The following ATRNL1 variants were observed in gnomAD, a reference collection of about 807,000 sequenced individuals.
ATRNL1 encodes the protein attractin-like protein 1.
In ATRNL1, 95 loss-of-function variants were observed where a neutral mutation model predicts 182.7. That is an observed-to-expected ratio of 0.52 (90% CI 0.44 to 0.62). ATRNL1 has a LOEUF of 0.62. Among genes scored for constraint, ATRNL1 ranks in the 20% least tolerant of loss-of-function variants. ATRNL1 has a pLI of 0.00. For synonymous variants in ATRNL1, 576 were observed against 568.3 expected (o/e 1.01, Z -0.19); for missense variants, 1,471 against 1,679.5 (o/e 0.88, Z 2.17).
intron 10 of ATRNL1, among the ~76,000 whole-genome samples, chr10:115,254,414 G>T (rs1478359179): frequency 2.0e-5 from 3 of 152,046 alleles, no homozygotes; most frequent in African/African-American, 4.8e-5. Context: ...TCATGTGTCT[G>T]TTGGCTGCAT....
chr10:115,495,224 A>G (rs1849485940), intron 24 of ATRNL1, among the ~76,000 whole-genome samples: 1 of 151,816 alleles, frequency 6.6e-6, no homozygotes, highest in Non-Finnish European at 1.5e-5. Context: ...TTTTTTCTTT[A>G]GTAGTATAGC....
At chr10:115,435,410 C>T (rs1298464368) in intron 21 of ATRNL1, among the ~76,000 whole-genome samples, 1 of 152,094 alleles carries the variant, frequency 6.6e-6, no homozygotes, top group Non-Finnish European at 1.5e-5. Context: ...GGCCTTCTGC[C>T]ATGGGATGAC....
chr10:115,094,034 G>A lies in ATRNL1; in HGVS notation c.284G>A (p.Gly95Asp). The A allele has an allele frequency of 1.3e-6, 2 of 1,525,678 alleles. No homozygotes were observed. The highest frequency in any genetic ancestry group is 1.8e-6 in the Non-Finnish European group (2 of 1,134,604). 94.5% of individuals were successfully genotyped at this position (1,525,678 alleles called of 1,614,324 possible). The change falls in exon 1 of 29, where the codon GGC becomes GAC. Residue 95 changes from glycine to aspartate, a missense_variant. This residue lies in a region of ATRNL1 where 1,031 missense variants were observed against 1,156.0 expected (regional missense o/e 0.89). Transcript: ENST00000355044. ...GGGGACCAGTGCCAGCACTGCCAGG[G>A]CAGGTTCAAGTAAGTGCCTTCGCCG... is the stretch of plus-strand genomic sequence containing the variant. ...WVGDQCQHCQ[G>D]RFKLTEPSGY... is the part of the protein sequence containing the mutation.
chr10:115,235,803 G>A (rs937599884), intron 9 of ATRNL1, among the ~76,000 whole-genome samples: 1 of 151,866 alleles, frequency 6.6e-6, no homozygotes, highest in African/African-American at 2.4e-5. Flanking sequence ...TGCCTTATTG[G>A]GAGATACTTT....
At position 115,170,060 on chromosome 10, in the gene ATRNL1, A is replaced by G. The variant is rs1050351703; in HGVS notation, c.1093-977A>G. ...TTTAAAAAAATTTTTAGGACTTTCT[A>G]TATACCAGATTGCATCATCTGCAAA... On this transcript the variant is annotated intron_variant, in intron 7 of 28. Coordinates refer to ENST00000355044, the MANE Select transcript of ATRNL1 (RefSeq NM_207303.4). Among the ~76,000 whole-genome samples, 6 of 152,274 alleles carry G rather than the reference A, an allele frequency of 3.9e-5. No individual in the cohort carries two copies. In the South Asian group the frequency reaches 6.2e-4, roughly 16 times the overall value.
At chr10:115,271,819 CAG>C (rs112338125) in intron 13 of ATRNL1, among the ~76,000 whole-genome samples, 21 of 152,194 alleles carry the variant, frequency 1.4e-4, no homozygotes, top group African/African-American at 4.8e-4. Context: ...ATCTTAATCA[CAG>C]GGTAATATAA....
intron 26 of ATRNL1, among the ~76,000 whole-genome samples, chr10:115,563,748 T>C (rs1444668360): frequency 6.6e-6 from 1 of 152,158 alleles, no homozygotes; most frequent in Non-Finnish European, 1.5e-5. Context: ...TTTGCAATAA[T>C]AGCATCCTGA....
chr10:115,550,381 T>C lies in ATRNL1; in HGVS notation c.3795+845T>C, dbSNP rs533674654. Among the ~76,000 whole-genome samples, 21 of 151,888 alleles carry C rather than the reference T, an allele frequency of 1.4e-4. 1 individual carries two copies. In the East Asian group the frequency reaches 4.0e-3, roughly 29 times the overall value. On this transcript the variant is annotated intron_variant, in intron 26 of 28. Coordinates refer to ENST00000355044, the MANE Select transcript of ATRNL1 (RefSeq NM_207303.4). ...CAGTATAATTGCTTACCTTCTTTTT[T>C]CCACATAAAAAATATAATATTTAAA...
At chr10:115,697,333 A>G (rs1459031853) in intron 26 of ATRNL1, among the ~76,000 whole-genome samples, 1 of 152,068 alleles carries the variant, frequency 6.6e-6, no homozygotes, top group Non-Finnish European at 1.5e-5. Flanking sequence ...TTTACAATAC[A>G]AGCATGTTTT....
At chr10:115,840,827 C>T (rs985524729) in intron 27 of ATRNL1, among the ~76,000 whole-genome samples, 2 of 151,448 alleles carry the variant, frequency 1.3e-5, no homozygotes, top group Non-Finnish European at 2.9e-5. Flanking sequence ...AAGAAGTCTA[C>T]GTGAATGGAG....
intron 11 of ATRNL1, among the ~76,000 whole-genome samples, chr10:115,265,990 A>T (rs951206747): frequency 6.6e-6 from 1 of 151,796 alleles, no homozygotes; most frequent in African/African-American, 2.4e-5. Context: ...AACCACAATG[A>T]AACTGTGTAA....
chr10:115,105,681 G>A (rs1843976560), intron 1 of ATRNL1, among the ~76,000 whole-genome samples: 1 of 152,206 alleles, frequency 6.6e-6, no homozygotes, highest in Non-Finnish European at 1.5e-5. Context: ...ATGACTAAAA[G>A]GGGCCAAGGT....
intron 19 of ATRNL1, among the ~76,000 whole-genome samples, chr10:115,377,992 A>T (rs1246755044): frequency 6.6e-6 from 1 of 151,964 alleles, no homozygotes; most frequent in Non-Finnish European, 1.5e-5. Context: ...CTTCTTCTGC[A>T]TTCTTGTAAG....
At position 115,529,491 on chromosome 10, in the gene ATRNL1, T is replaced by C. The variant is rs374953575; in HGVS notation, c.3716+10167T>C. Among the ~76,000 whole-genome samples the C allele has an allele frequency of 2.1e-4, 22 of 103,684 alleles. No homozygotes were observed. The South Asian group carries it at 2.5e-3, about 12-fold the overall frequency. The allele number at this position is 103,684 out of a possible 152,430, so 68.0% of individuals were successfully genotyped here. A position where few individuals can be genotyped will look rare whatever the true frequency, so the allele number is the denominator to read the frequency against. On this transcript the variant is annotated intron_variant, in intron 25 of 28. Transcript: ENST00000355044. ...CTTTTTTCTTCTCTTCTGATTTTTA[T>C]TAATTGAATGAGCTTCTTATTAATT...
intron 17 of ATRNL1, 119 bp downstream of exon 17, chr10:115,302,162 G>C (rs548646672): frequency 5.0e-6 from 5 of 1,004,998 alleles, no homozygotes; most frequent in Non-Finnish European, 7.1e-6. Flanking sequence ...ATATTGTTAC[G>C]GCTACTTTTG....
At chr10:115,584,665 T>G (rs1450021051) in intron 26 of ATRNL1, among the ~76,000 whole-genome samples, 3 of 151,390 alleles carry the variant, frequency 2.0e-5, no homozygotes, top group African/African-American at 4.8e-5. Flanking sequence ...TCTTGCTAGC[T>G]GTCTATGAAT....
chr10:115,779,675 TG>T (rs1440028130), intron 27 of ATRNL1, among the ~76,000 whole-genome samples: 2 of 152,256 alleles, frequency 1.3e-5, no homozygotes, highest in African/African-American at 2.4e-5. Context: ...CTTAATTATT[TG>T]TGCCTAAATA....
At chr10:115,647,634 T>C (rs1430515478) in intron 26 of ATRNL1, among the ~76,000 whole-genome samples, 2 of 152,182 alleles carry the variant, frequency 1.3e-5, no homozygotes, top group Non-Finnish European at 2.9e-5. Context: ...TTTGCCCACT[T>C]TTTGATGGGG....
chr10:115,743,782 TTATTAAAATTGTATGTG>T (rs6144101), intron 27 of ATRNL1, among the ~76,000 whole-genome samples: 147,734 of 151,842 alleles, frequency 0.97, 71,983 homozygotes, highest in Middle Eastern at 1. Flanking sequence ...TATGTGTATT[TTATTAAAATTGTATGTG>T]TATTAAAATA....
Sources: gnomAD v4.1 joint callset for allele counts (sites outside exome capture counted in the v4.1 genomes callset) on GRCh38, gnomAD v4.1.1 for gene constraint, gnomAD v4.1.1 regional missense constraint, MANE v1.5 for transcripts, NCBI Gene and HGNC (gene_info 2026-07-23, HGNC 2026-07-21) for gene names.